PCDH15: variants seen among roughly 807,000 people sequenced by gnomAD.
PCDH15 encodes the protein protocadherin-15.
A neutral mutation model predicts 178.5 loss-of-function variants in PCDH15; 129 were observed. That is an observed-to-expected ratio of 0.72 (90% CI 0.63 to 0.84). PCDH15 has a LOEUF of 0.84. Ranked by LOEUF, PCDH15 falls within the 40% of genes least tolerant of loss-of-function variation. The pLI, the probability that PCDH15 is intolerant of heterozygous loss-of-function variation, is 0.00. For missense variants in PCDH15, 2,230 were observed against 2,099.9 expected (o/e 1.06, Z -1.21); for synonymous variants, 800 against 732.0 (o/e 1.09, Z -1.50).
At chr10:53,990,636 T>C (rs1218498873) in intron 21 of PCDH15, among the ~76,000 whole-genome samples, 1 of 151,750 alleles carries the variant, frequency 6.6e-6, no homozygotes, top group Non-Finnish European at 1.5e-5. Flanking sequence ...ATTGTTCATA[T>C]TGAGAGGTGA....
intron 17 of PCDH15, among the ~76,000 whole-genome samples, 189 bp from the exon 18 acceptor site, chr10:54,067,074 C>T (rs1291269170): frequency 2.0e-5 from 3 of 151,956 alleles, no homozygotes; most frequent in Admixed American, 6.6e-5. Context: ...AGCTTCCCAC[C>T]TCAAAAAACA....
intron 3 of PCDH15, among the ~76,000 whole-genome samples, chr10:54,452,737 A>T (rs1312701269): frequency 6.6e-6 from 1 of 152,104 alleles, no homozygotes; most frequent in Non-Finnish European, 1.5e-5. Flanking sequence ...CACATAAGAT[A>T]TGAGAGGGTC....
intron 2 of PCDH15, among the ~76,000 whole-genome samples, chr10:55,361,745 T>C (rs370843964): frequency 1.2e-4 from 19 of 152,094 alleles, no homozygotes; most frequent in East Asian, 1.2e-3. Flanking sequence ...CTGTCATTTA[T>C]TTATATCTTT....
At chr10:54,398,805 T>A (rs1318821027) in intron 3 of PCDH15, among the ~76,000 whole-genome samples, 1 of 152,092 alleles carries the variant, frequency 6.6e-6, no homozygotes, top group Non-Finnish European at 1.5e-5. Flanking sequence ...GACAACCAAG[T>A]ATCCGGGTTG....
intron 5 of PCDH15, among the ~76,000 whole-genome samples, chr10:54,360,206 C>T (rs965061959): frequency 1.3e-5 from 2 of 152,034 alleles, no homozygotes; most frequent in Admixed American, 6.6e-5. Flanking sequence ...GATGCCAGAC[C>T]GCTTACCTGT....
intron 28 of PCDH15, among the ~76,000 whole-genome samples, chr10:53,842,894 T>A (rs1030702667): frequency 1.2e-4 from 18 of 152,198 alleles, no homozygotes; most frequent in African/African-American, 4.3e-4. Context: ...TCCAGTGCAT[T>A]TTGGCATTGA....
At chr10:55,327,114 G>A (rs1356755847) in intron 2 of PCDH15, among the ~76,000 whole-genome samples, 1 of 152,052 alleles carries the variant, frequency 6.6e-6, no homozygotes, top group African/African-American at 2.4e-5. Context: ...TGATTAGGAT[G>A]TAGGACCAGA....
intron 2 of PCDH15, among the ~76,000 whole-genome samples, chr10:54,901,540 A>G (rs1954640114): frequency 6.6e-6 from 1 of 152,164 alleles, no homozygotes; most frequent in Non-Finnish European, 1.5e-5. Flanking sequence ...CAACTGACAT[A>G]CACACATATA....
At chr10:54,454,711 C>T (rs2076709123) in intron 3 of PCDH15, among the ~76,000 whole-genome samples, 1 of 152,156 alleles carries the variant, frequency 6.6e-6, no homozygotes, top group South Asian at 2.1e-4. Flanking sequence ...CCCAGACACA[C>T]ATTTCTAAGT....
chr10:54,555,048 T>C (rs1450059080), intron 2 of PCDH15, among the ~76,000 whole-genome samples: 2 of 152,126 alleles, frequency 1.3e-5, no homozygotes, highest in East Asian at 3.9e-4. Flanking sequence ...ACTGTGAAAC[T>C]AAAAGAAAAT....
intron 3 of PCDH15, 91 bp downstream of exon 3, chr10:54,527,720 AT>A: frequency 9.6e-7 from 1 of 1,043,152 alleles, no homozygotes; most frequent in Non-Finnish European, 1.4e-6. Flanking sequence ...TGAAACTTTC[AT>A]TTTAGTACCT....
intron 2 of PCDH15, among the ~76,000 whole-genome samples, chr10:54,932,971 A>T (rs573523295): frequency 1.2e-4 from 18 of 152,242 alleles, no homozygotes; most frequent in Admixed American, 7.2e-4. Flanking sequence ...TGCTCTATAA[A>T]GGTGTACCAT....
chr10:54,842,725 T>C (rs1319625169), intron 3 of PCDH15, among the ~76,000 whole-genome samples: 2 of 151,894 alleles, frequency 1.3e-5, no homozygotes, highest in Admixed American at 1.3e-4. Flanking sequence ...ATACAGTCAG[T>C]AAAATTCAAC....
At chr10:54,091,014 C>T (rs1171046529) in intron 15 of PCDH15, among the ~76,000 whole-genome samples, 2 of 152,102 alleles carry the variant, frequency 1.3e-5, no homozygotes, top group Admixed American at 6.6e-5. Flanking sequence ...ACACCCAAGT[C>T]GGAGAAGAAA....
intron 2 of PCDH15, among the ~76,000 whole-genome samples, chr10:54,651,224 A>C (rs2094253021): frequency 6.6e-6 from 1 of 152,126 alleles, no homozygotes; most frequent in South Asian, 2.1e-4. Flanking sequence ...TATAGACAGA[A>C]GGAAATAAAA....
intron 2 of PCDH15, among the ~76,000 whole-genome samples, chr10:55,615,712 TAAAAATA>T (rs1278263928): frequency 6.6e-6 from 1 of 151,706 alleles, no homozygotes. Flanking sequence ...TACCAAAAAA[TAAAAATA>T]AAAAATAAAA....
intron 24 of PCDH15, among the ~76,000 whole-genome samples, chr10:53,939,742 T>C: frequency 6.6e-6 from 1 of 152,144 alleles, no homozygotes; most frequent in East Asian, 1.9e-4. Context: ...AGATGCTCAG[T>C]ACATATTTGT....
rs560426365 is a variant in PCDH15 at position 54,063,915 on chromosome 10, A to T, written c.2220+2842T>A. On this transcript the variant is annotated intron_variant, in intron 18 of 37. Transcript: ENST00000644397. ...GATGAGGGGCTCCCTGAAGAGCCGC[A>T]ACTCTTCTCTCCTTTTTGTTGCTCG... Among the ~76,000 whole-genome samples, 131 of 152,292 alleles carry T rather than the reference A, an allele frequency of 8.6e-4. 1 individual carries two copies. The highest frequency in any genetic ancestry group is 2.9e-3 in the African/African-American group (122 of 41,562).
At chr10:54,574,008 T>G (rs1043117343) in intron 2 of PCDH15, among the ~76,000 whole-genome samples, 4 of 152,168 alleles carry the variant, frequency 2.6e-5, no homozygotes, top group Admixed American at 6.6e-5. Context: ...TTCTTTTGCT[T>G]TGCAGAAGCT....
Sources: allele counts gnomAD v4.1 joint callset (sites outside exome capture counted in the v4.1 genomes callset), GRCh38; gene constraint gnomAD v4.1.1; transcripts MANE v1.5; gene names NCBI Gene and HGNC (gene_info 2026-07-23, HGNC 2026-07-21).